The following NALCN variants were observed in gnomAD, a reference collection of about 807,000 sequenced individuals.
The protein encoded by NALCN is sodium leak channel, non-selective.
A neutral mutation model predicts 225.3 loss-of-function variants in NALCN; 111 were observed. The ratio of observed to expected loss-of-function variants is 0.49; its 90% CI spans 0.42 to 0.58. The LOEUF (loss-of-function observed/expected upper bound fraction) is 0.58. NALCN is among the 20% of genes least tolerant of loss of function. NALCN has a pLI of 0.00. For missense variants in NALCN, 1,378 were observed against 2,202.4 expected, an observed-to-expected ratio of 0.63 and a Z score of 7.49; for synonymous variants, 764 against 769.0, an observed-to-expected ratio of 0.99 and a Z score of 0.11.
At chr13:101,294,296 T>C (rs761541424) in intron 7 of NALCN, among the ~76,000 whole-genome samples, 2 of 152,172 alleles carry the variant, frequency 1.3e-5, no homozygotes, top group African/African-American at 4.8e-5. Context: ...AACAATGTAT[T>C]GTGTATTTCA....
intron 13 of NALCN, among the ~76,000 whole-genome samples, chr13:101,210,980 T>C: frequency 6.6e-6 from 1 of 152,162 alleles, no homozygotes; most frequent in East Asian, 1.9e-4. Context: ...CATGTGCCTG[T>C]TTTGTTGTTC....
intron 11 of NALCN, among the ~76,000 whole-genome samples, chr13:101,249,698 A>G (rs1410471952): frequency 5.3e-5 from 8 of 152,164 alleles, no homozygotes; most frequent in Admixed American, 4.6e-4. Context: ...TTGAATACTC[A>G]ACTCATAATG....
Position 101,054,456 on chromosome 13 carries a change from C to CAAAG in NALCN, c.*835_*838dup, listed in dbSNP as rs2030956730. 1 of 152,034 alleles carries CAAAG rather than the reference C, an allele frequency of 6.6e-6. No individual in the cohort carries two copies. Among genetic ancestry groups the CAAAG allele is most frequent in the African/African-American group, 2.4e-5 (1 of 41,396 alleles). 9.4% of individuals were successfully genotyped at this position (152,034 alleles called of 1,614,324 possible). ...GAAGCCAATGATAACATCACACATGCAAAGATTTTTTTAAATAAATTGAGC... is the reference window on the plus strand; with the variant it reads ...GAAGCCAATGATAACATCACACATGCAAAGAAAGATTTTTTTAAATAAATTGAGC... On this transcript the variant is annotated 3_prime_UTR_variant, in exon 44 of 44. Coordinates refer to ENST00000251127, the MANE Select transcript of NALCN (RefSeq NM_052867.4).
chr13:101,097,813 A>C (rs1054999097), intron 27 of NALCN, among the ~76,000 whole-genome samples: 4 of 152,102 alleles, frequency 2.6e-5, no homozygotes, highest in African/African-American at 9.7e-5. Context: ...TCCCTAACTT[A>C]CATTTCTGGC....
At chr13:101,255,725 A>G (rs1283968518) in intron 11 of NALCN, among the ~76,000 whole-genome samples, 2 of 152,134 alleles carry the variant, frequency 1.3e-5, no homozygotes, top group East Asian at 3.9e-4. Flanking sequence ...AATGTCCTCT[A>G]CATTATCAAT....
chr13:101,177,409 G>GTATATGTATATATATATA (rs1555305755), intron 14 of NALCN, among the ~76,000 whole-genome samples: 3 of 124,328 alleles, frequency 2.4e-5, no homozygotes, highest in Non-Finnish European at 5.4e-5. Flanking sequence ...GTAAATACGA[G>GTATATGTATATATATATA]TATATATATA....
intron 18 of NALCN, among the ~76,000 whole-genome samples, chr13:101,120,025 A>G (rs917154802): frequency 3.3e-5 from 5 of 152,228 alleles, no homozygotes; most frequent in Non-Finnish European, 7.3e-5. Context: ...AACATGAATT[A>G]AAGATGATTA....
intron 20 of NALCN, 130 bp downstream of exon 20, chr13:101,110,489 T>C: frequency 1.1e-6 from 1 of 941,200 alleles, no homozygotes; most frequent in Non-Finnish European, 1.6e-6. Flanking sequence ...AGTTTCCTGA[T>C]TCCCTCTGGT....
At chr13:101,372,339 C>T (rs192878488) in intron 6 of NALCN, among the ~76,000 whole-genome samples, 1 of 152,224 alleles carries the variant, frequency 6.6e-6, no homozygotes, top group African/African-American at 2.4e-5. Context: ...AAATTATCAG[C>T]CAACTTGACT....
chr13:101,140,566 A>G (rs1374140642), intron 17 of NALCN, among the ~76,000 whole-genome samples: 2 of 152,188 alleles, frequency 1.3e-5, no homozygotes, highest in Admixed American at 1.3e-4. Flanking sequence ...CTGGCTTACA[A>G]TCTGCTTTGG....
At chr13:101,315,089 A>G (rs1372078563) in intron 7 of NALCN, among the ~76,000 whole-genome samples, 1 of 152,210 alleles carries the variant, frequency 6.6e-6, no homozygotes, top group Non-Finnish European at 1.5e-5. Context: ...TTTAATTAAT[A>G]TGTTTAATCA....
intron 37 of NALCN, among the ~76,000 whole-genome samples, chr13:101,072,711 C>T (rs566181380): frequency 6.6e-6 from 1 of 152,298 alleles, no homozygotes; most frequent in East Asian, 1.9e-4. Flanking sequence ...TCTCTTCTTC[C>T]TACTGACAGT....
chr13:101,227,194 T>C (rs2041177071), intron 13 of NALCN, among the ~76,000 whole-genome samples: 1 of 152,122 alleles, frequency 6.6e-6, no homozygotes, highest in Non-Finnish European at 1.5e-5. Context: ...AAGGCCAATC[T>C]TTGTCCTCTT....
chr13:101,273,357 C>T (rs543842875), intron 10 of NALCN, among the ~76,000 whole-genome samples: 1 of 152,164 alleles, frequency 6.6e-6, no homozygotes, highest in Non-Finnish European at 1.5e-5. Context: ...TATATACCTG[C>T]TTGGTTTGGT....
At chr13:101,164,377 G>C (rs527422562) in intron 15 of NALCN, among the ~76,000 whole-genome samples, 1 of 152,076 alleles carries the variant, frequency 6.6e-6, no homozygotes, top group African/African-American at 2.4e-5. Context: ...CTGCAGCCTT[G>C]ACCTCCCAGG....
At chr13:101,135,805 A>C (rs185582380) in intron 17 of NALCN, among the ~76,000 whole-genome samples, 81 of 152,362 alleles carry the variant, frequency 5.3e-4, no homozygotes, top group African/African-American at 1.8e-3. Flanking sequence ...TATAAGTAAA[A>C]CTGTAGTCAG....
chr13:101,388,401 T>G (rs1195197870), intron 3 of NALCN, among the ~76,000 whole-genome samples: 1 of 151,582 alleles, frequency 6.6e-6, no homozygotes, highest in East Asian at 2.0e-4. Flanking sequence ...CATTTTAAAT[T>G]TCACCTCTTA....
chr13:101,382,504 G>A (rs1412663375), intron 3 of NALCN, among the ~76,000 whole-genome samples: 1 of 151,482 alleles, frequency 6.6e-6, no homozygotes, highest in Non-Finnish European at 1.5e-5. Context: ...TAAAAATTGG[G>A]GCCTCACCAA....
chr13:101,176,871 C>T (rs1420623825), intron 14 of NALCN, among the ~76,000 whole-genome samples: 2 of 152,184 alleles, frequency 1.3e-5, no homozygotes, highest in Admixed American at 6.5e-5. Flanking sequence ...TGGCCTCCAG[C>T]GTTGTTCTAG....
Sources: gnomAD v4.1 joint callset for allele counts (sites outside exome capture counted in the v4.1 genomes callset) on GRCh38, gnomAD v4.1.1 for gene constraint, MANE v1.5 for transcripts, NCBI Gene and HGNC (gene_info 2026-07-23, HGNC 2026-07-21) for gene names.